The following PALM2AKAP2 variants were observed in gnomAD, a reference collection of about 807,000 sequenced individuals.
PALM2AKAP2 encodes the protein PALM2-AKAP2 fusion protein.
Under a neutral mutation model 71.5 loss-of-function variants are expected in PALM2AKAP2, and 37 were observed. The ratio of observed to expected loss-of-function variants is 0.52; its 90% CI spans 0.40 to 0.68. The LOEUF is 0.68. Among genes scored for constraint, PALM2AKAP2 ranks in the 30% least tolerant of loss-of-function variants. The pLI, the probability that PALM2AKAP2 is intolerant of heterozygous loss-of-function variation, is 0.00. For missense variants in PALM2AKAP2, 1,224 were observed against 1,191.8 expected (o/e 1.03, Z -0.40); for synonymous variants, 468 against 478.8 (o/e 0.98, Z 0.29).
intron 7 of PALM2AKAP2, among the ~76,000 whole-genome samples, chr9:110,020,968 T>TGGTGG (rs1381641867): frequency 6.6e-6 from 1 of 151,954 alleles, no homozygotes; most frequent in African/African-American, 2.4e-5. Context: ...AAATTAGGCA[T>TGGTGG]GGTGGCACAC....
chr9:110,041,617 AAC>A lies in PALM2AKAP2; in HGVS notation c.582+25579_582+25580del, dbSNP rs1164417769. Among the ~76,000 whole-genome samples, 5 of 152,324 alleles carry A rather than the reference AAC, an allele frequency of 3.3e-5. No homozygotes were observed. The East Asian group carries it at 5.8e-4, about 18-fold the overall frequency. ...ATAAATGTGGAACAGGCAGGAAAGA[AAC>A]TTACTTGGGCACAGGAAGCCAGAGA... is the stretch of plus-strand genomic sequence containing the variant. On this transcript the variant is annotated intron_variant, in intron 7 of 9. Coordinates refer to the PALM2AKAP2 transcript ENST00000302798.
intron 6 of PALM2AKAP2, among the ~76,000 whole-genome samples, chr9:109,968,059 G>A (rs56116762): frequency 6.6e-6 from 1 of 152,164 alleles, no homozygotes; most frequent in East Asian, 1.9e-4. Flanking sequence ...TGTTTGATGA[G>A]GGAATGAATA....
intron 1 of PALM2AKAP2, among the ~76,000 whole-genome samples, chr9:109,746,985 C>G (rs1323021504): frequency 6.6e-6 from 1 of 152,124 alleles, no homozygotes; most frequent in African/African-American, 2.4e-5. Flanking sequence ...AGAACAGGGA[C>G]ATGTCCAGTT....
At chr9:109,651,017 T>A (rs1827217776) in intron 1 of PALM2AKAP2, among the ~76,000 whole-genome samples, 1 of 152,184 alleles carries the variant, frequency 6.6e-6, no homozygotes, top group South Asian at 2.1e-4. Context: ...AGGGTGTATC[T>A]GGTGATGTTC....
intron 6 of PALM2AKAP2, among the ~76,000 whole-genome samples, chr9:109,979,092 A>T (rs1832222863): frequency 6.6e-6 from 1 of 151,456 alleles, no homozygotes. Context: ...TCCCTGTTTC[A>T]AGCAATCTTC....
chr9:110,167,026 C>G (rs572605967), intron 3 of PALM2AKAP2, among the ~76,000 whole-genome samples: 1 of 152,332 alleles, frequency 6.6e-6, no homozygotes, highest in South Asian at 2.1e-4. Context: ...AAAGGCACGT[C>G]TTACATGGCA....
At chr9:109,951,626 C>T (rs1003014497) in intron 6 of PALM2AKAP2, among the ~76,000 whole-genome samples, 7 of 152,158 alleles carry the variant, frequency 4.6e-5, no homozygotes, top group Admixed American at 4.6e-4. Flanking sequence ...CAGAATCACC[C>T]GGGGGTACCT....
intron 1 of PALM2AKAP2, among the ~76,000 whole-genome samples, chr9:109,656,249 C>T (rs1827305781): frequency 6.6e-6 from 1 of 152,010 alleles, no homozygotes; most frequent in African/African-American, 2.4e-5. Context: ...GTGGAAGGGG[C>T]TCGAGGGTGG....
chr9:109,693,299 A>T (rs571157159), intron 1 of PALM2AKAP2, among the ~76,000 whole-genome samples: 52 of 151,906 alleles, frequency 3.4e-4, no homozygotes, highest in African/African-American at 1.2e-3. Context: ...TGTCTGTAGG[A>T]TCTCTGAGCA....
chr9:109,839,422 C>A lies in PALM2AKAP2; in HGVS notation c.46-28069C>A, dbSNP rs186612731. Among the ~76,000 whole-genome samples, 780 of 152,254 alleles carry A rather than the reference C, an allele frequency of 5.1e-3. 10 individuals carry two copies. Among genetic ancestry groups the A allele is most frequent in the African/African-American group, 0.018 (730 of 41,536 alleles). On this transcript the variant is annotated intron_variant, in intron 1 of 9. Transcript: ENST00000302798. ...GGGCTATTTATGACAAACCCACAGC[C>A]AATATCATACTGAATGGGCAAAAAC...
At chr9:109,902,924 T>A (rs1830361708) in intron 3 of PALM2AKAP2, among the ~76,000 whole-genome samples, 1 of 152,162 alleles carries the variant, frequency 6.6e-6, no homozygotes. Context: ...TCTCACTCAG[T>A]CCCACAGATA....
intron 3 of PALM2AKAP2, among the ~76,000 whole-genome samples, chr9:109,906,346 G>T (rs931538744): frequency 1.1e-4 from 17 of 152,174 alleles, no homozygotes; most frequent in Admixed American, 1.0e-3. Context: ...TTATAGGCCT[G>T]TGCCACCATG....
intron 1 of PALM2AKAP2, among the ~76,000 whole-genome samples, chr9:109,840,777 T>C (rs1172549387): frequency 1.3e-5 from 2 of 152,192 alleles, no homozygotes; most frequent in African/African-American, 4.8e-5. Flanking sequence ...ATGCTCATCA[T>C]CACTGGCCAT....
intron 1 of PALM2AKAP2, among the ~76,000 whole-genome samples, chr9:109,758,776 A>C (rs954293654): frequency 1.3e-5 from 2 of 152,008 alleles, no homozygotes; most frequent in Non-Finnish European, 2.9e-5. Context: ...AGATAAAGTA[A>C]AAGGGTGGGG....
chr9:110,084,360 G>C (rs1400574429), intron 1 of PALM2AKAP2, among the ~76,000 whole-genome samples: 1 of 152,050 alleles, frequency 6.6e-6, no homozygotes, highest in Non-Finnish European at 1.5e-5. Flanking sequence ...GGCATAGATA[G>C]GAAAAACCAT....
chr9:109,645,747 T>C (rs932867361), intron 1 of PALM2AKAP2, among the ~76,000 whole-genome samples: 11 of 149,430 alleles, frequency 7.4e-5, no homozygotes, highest in Admixed American at 4.7e-4. Flanking sequence ...ACTGGGAACC[T>C]CAAAACAGGG....
In PALM2AKAP2 at chr9:110,168,394, T is replaced by A; in HGVS notation, c.2749-5T>A. The A allele has an allele frequency of 6.2e-7, 1 of 1,613,844 alleles. No individual in the cohort carries two copies. The highest frequency in any genetic ancestry group is 8.5e-7 in the Non-Finnish European group (1 of 1,179,944). On this transcript the variant is annotated splice_region_variant and splice_polypyrimidine_tract_variant and intron_variant, in intron 3 of 3. Transcript: ENST00000374525. ...TCTGCATAATTTTTTCCCCTCTCTT[T>A]ACAGGTCCTCGAGGCCACACGGGTT...
Position 109,799,684 on chromosome 9 carries a change from TG to T in PALM2AKAP2, c.45+19155del, listed in dbSNP as rs562729120. On this transcript the variant is annotated intron_variant, in intron 1 of 9. Coordinates refer to the PALM2AKAP2 transcript ENST00000302798. ...AATTTTTTTGTATTTTTTGTAGAGA[TG>T]GGGTTTCACCATGTTCCCAGGCTTG... is the stretch of plus-strand genomic sequence containing the variant. 2.0e-3 allele frequency among the ~76,000 whole-genome samples: 311 copies of T among 152,232 alleles called. 2 individuals carry two copies. Among genetic ancestry groups the T allele is most frequent in the African/African-American group, 7.1e-3 (296 of 41,538 alleles).
intron 2 of PALM2AKAP2, 71 bp downstream of exon 2, chr9:109,867,642 G>A: frequency 6.7e-7 from 1 of 1,497,562 alleles, no homozygotes; most frequent in South Asian, 1.3e-5. Context: ...GCTGGGCAGT[G>A]CCTGCCCTGC....
Sources: allele counts gnomAD v4.1 joint callset (sites outside exome capture counted in the v4.1 genomes callset), GRCh38; gene constraint gnomAD v4.1.1; transcripts MANE v1.5; gene names NCBI Gene and HGNC (gene_info 2026-07-23, HGNC 2026-07-21).